Variants in DNAJC1 observed in about 807,000 individuals in gnomAD.
DNAJC1 encodes dnaJ homolog subfamily C member 1.
A neutral mutation model predicts 76.6 loss-of-function variants in DNAJC1; 58 were observed. The ratio of observed to expected loss-of-function variants is 0.76; its 90% CI spans 0.61 to 0.94. DNAJC1 has a LOEUF of 0.94. Ranked by LOEUF, DNAJC1 falls within the 40% of genes least tolerant of loss-of-function variation. DNAJC1 has a pLI of 0.00. For synonymous variants in DNAJC1, 258 were observed against 267.9 expected, an observed-to-expected ratio of 0.96 and a Z score of 0.36; for missense variants, 689 against 677.3, an observed-to-expected ratio of 1.02 and a Z score of -0.19.
Position 21,910,044 on chromosome 10 carries a change from T to C in DNAJC1, c.730-5432A>G, listed in dbSNP as rs78268755. 1.4e-4 allele frequency among the ~76,000 whole-genome samples: 21 copies of C among 152,316 alleles called. No homozygotes were observed. In the East Asian group the frequency reaches 3.9e-3, roughly 28 times the overall value. ...GGAAGGCTTCATAATGATGATAATT[T>C]AGTTAAGCCTGAAGATACAATATTT... On this transcript the variant is annotated intron_variant, in intron 6 of 11. Transcript: ENST00000376980.
chr10:21,851,009 T>C (rs1014132464), intron 8 of DNAJC1, among the ~76,000 whole-genome samples: 6 of 151,952 alleles, frequency 3.9e-5, no homozygotes, highest in Admixed American at 3.3e-4. Flanking sequence ...TAAAAATTAA[T>C]GCAAAATGAA....
intron 1 of DNAJC1, among the ~76,000 whole-genome samples, chr10:21,949,509 A>C (rs984392792): frequency 3.5e-5 from 5 of 144,260 alleles, no homozygotes; most frequent in African/African-American, 1.3e-4. Flanking sequence ...CTCTGCCTCC[A>C]GAGTTCAAGT....
intron 1 of DNAJC1, among the ~76,000 whole-genome samples, chr10:21,955,414 T>A (rs1837661568): frequency 6.6e-6 from 1 of 152,104 alleles, no homozygotes; most frequent in Non-Finnish European, 1.5e-5. Flanking sequence ...TATACAGAAA[T>A]TTCATCAAAA....
intron 8 of DNAJC1, among the ~76,000 whole-genome samples, chr10:21,837,309 T>C (rs1054293216): frequency 2.0e-5 from 3 of 152,310 alleles, no homozygotes; most frequent in Non-Finnish European, 2.9e-5. Context: ...AGTGCTGAGA[T>C]TGCAGCCTCT....
intron 8 of DNAJC1, among the ~76,000 whole-genome samples, chr10:21,822,311 C>A (rs1835173248): frequency 6.6e-6 from 1 of 151,942 alleles, no homozygotes; most frequent in African/African-American, 2.4e-5. Context: ...TGGTGGTGCA[C>A]ACCTGTAATC....
At chr10:21,893,370 T>C (rs1324909053) in intron 7 of DNAJC1, among the ~76,000 whole-genome samples, 2 of 152,142 alleles carry the variant, frequency 1.3e-5, no homozygotes, top group Admixed American at 6.5e-5. Context: ...CTCACAGCTG[T>C]AATTCGAGCA....
intron 6 of DNAJC1, among the ~76,000 whole-genome samples, chr10:21,917,738 C>T (rs1019925430): frequency 2.0e-5 from 3 of 151,754 alleles, no homozygotes; most frequent in African/African-American, 7.2e-5. Flanking sequence ...TAACTGTAAA[C>T]AAAATATAAG....
At chr10:21,935,851 T>C (rs749494437) in intron 1 of DNAJC1, among the ~76,000 whole-genome samples, 8 of 152,098 alleles carry the variant, frequency 5.3e-5, no homozygotes, top group Non-Finnish European at 1.2e-4. Context: ...AAGAAGTCTA[T>C]ATCCAACAAA....
At chr10:21,937,865 C>T (rs928905395) in intron 1 of DNAJC1, among the ~76,000 whole-genome samples, 18 of 151,948 alleles carry the variant, frequency 1.2e-4, no homozygotes, top group Non-Finnish European at 1.5e-5. Flanking sequence ...TTTTAAACAA[C>T]AAGTAATCAA....
At chr10:21,825,508 G>C (rs536638250) in intron 8 of DNAJC1, among the ~76,000 whole-genome samples, 2 of 152,270 alleles carry the variant, frequency 1.3e-5, no homozygotes, top group East Asian at 3.9e-4. Flanking sequence ...AGTGTTATTT[G>C]TTTAGCATCT....
In DNAJC1 at chr10:21,841,454, A is replaced by T. The variant is rs545684764; in HGVS notation, c.979-35355T>A. ...ACAAGTGGGCGAAGGATATGAACAG[A>T]CACTTCTCAAAAGAAGATATTTATG... On this transcript the variant is annotated intron_variant, in intron 8 of 11. Transcript: ENST00000376980. Among the ~76,000 whole-genome samples the T allele has an allele frequency of 3.9e-5, 6 of 152,342 alleles. No homozygotes were observed. The East Asian group carries it at 1.2e-3, about 29-fold the overall frequency.
chr10:21,785,215 A>G (rs915711439), intron 9 of DNAJC1: 3 of 152,218 alleles, frequency 2.0e-5, no homozygotes, highest in African/African-American at 7.2e-5. Context: ...TATCCTCTTA[A>G]GCTGCATTAC....
At chr10:21,778,932 C>T (rs1298915161) in intron 9 of DNAJC1, among the ~76,000 whole-genome samples, 1 of 152,246 alleles carries the variant, frequency 6.6e-6, no homozygotes, top group Non-Finnish European at 1.5e-5. Flanking sequence ...TAGCAAACGG[C>T]ACACCAGGAG....
chr10:21,778,016 C>G (rs1834475460), intron 9 of DNAJC1, among the ~76,000 whole-genome samples: 1 of 152,142 alleles, frequency 6.6e-6, no homozygotes, highest in Admixed American at 6.5e-5. Flanking sequence ...GGTGAAACCA[C>G]ACCTCTATTA....
chr10:21,838,612 T>C (rs1241631986), intron 8 of DNAJC1, among the ~76,000 whole-genome samples: 1 of 151,710 alleles, frequency 6.6e-6, no homozygotes, highest in African/African-American at 2.4e-5. Context: ...CACCCAAGAA[T>C]GATCAATAAA....
At chr10:21,952,456 GT>G (rs1409089447) in intron 1 of DNAJC1, among the ~76,000 whole-genome samples, 1 of 151,814 alleles carries the variant, frequency 6.6e-6, no homozygotes, top group Non-Finnish European at 1.5e-5. Context: ...TATTCTTTTT[GT>G]TTTTTTAAAG....
chr10:21,988,007 C>A (rs879280660), intron 1 of DNAJC1, among the ~76,000 whole-genome samples: 2 of 152,052 alleles, frequency 1.3e-5, no homozygotes, highest in African/African-American at 4.8e-5. Flanking sequence ...GTAGTTTTCA[C>A]ATATATTACT....
intron 1 of DNAJC1, among the ~76,000 whole-genome samples, chr10:21,945,674 C>T (rs577472995): frequency 1.2e-4 from 18 of 152,102 alleles, no homozygotes; most frequent in Non-Finnish European, 2.1e-4. Context: ...TAAAATGTCA[C>T]GGCCAATAAA....
intron 9 of DNAJC1, among the ~76,000 whole-genome samples, chr10:21,780,807 G>C (rs1002048476): frequency 6.6e-6 from 1 of 152,150 alleles, no homozygotes; most frequent in Non-Finnish European, 1.5e-5. Flanking sequence ...TGGCAAATTG[G>C]ATAAAGAGTC....
Sources: allele counts gnomAD v4.1 joint callset (sites outside exome capture counted in the v4.1 genomes callset), GRCh38; gene constraint gnomAD v4.1.1; transcripts MANE v1.5; gene names NCBI Gene and HGNC (gene_info 2026-07-23, HGNC 2026-07-21).